Variants in MLLT10 observed in about 807,000 individuals in gnomAD.
MLLT10 encodes MLLT10 histone lysine methyltransferase DOT1L cofactor.
MLLT10 carries 30 observed loss-of-function variants against 129.1 expected under a neutral mutation model. That is an observed-to-expected ratio of 0.23 (90% CI 0.17 to 0.32). MLLT10 has a LOEUF of 0.32. Ranked by LOEUF, MLLT10 falls within the 10% of genes least tolerant of loss-of-function variation. The pLI is 1.00. For missense variants in MLLT10, 1,119 were observed against 1,268.3 expected, an observed-to-expected ratio of 0.88 and a Z score of 1.79; for synonymous variants, 490 against 446.4, an observed-to-expected ratio of 1.10 and a Z score of -1.23.
chr10:21,707,330 C>T (rs1403917959), intron 13 of MLLT10, among the ~76,000 whole-genome samples: 3 of 151,520 alleles, frequency 2.0e-5, no homozygotes, highest in Non-Finnish European at 4.4e-5. Context: ...GTAGCTGGGA[C>T]TACAGGCACG....
intron 4 of MLLT10, among the ~76,000 whole-genome samples, 192 bp downstream of exon 4, chr10:21,586,540 G>A (rs1387966255): frequency 6.6e-6 from 1 of 152,140 alleles, no homozygotes; most frequent in South Asian, 2.1e-4. Flanking sequence ...ACAAACTTAA[G>A]CATTGGGTAT....
chr10:21,597,878 A>G (rs1264538094), intron 5 of MLLT10, among the ~76,000 whole-genome samples: 9 of 152,182 alleles, frequency 5.9e-5, no homozygotes. Context: ...GCATCCTATC[A>G]GTTGGTACAT....
At chr10:21,738,111 T>C (rs2058527302) in intron 21 of MLLT10, among the ~76,000 whole-genome samples, 1 of 151,848 alleles carries the variant, frequency 6.6e-6, no homozygotes, top group Non-Finnish European at 1.5e-5. Flanking sequence ...CTACTAAAAA[T>C]ACAAAAATTA....
chr10:21,551,846 G>C (rs1293010747), intron 3 of MLLT10: 1 of 398,444 alleles, frequency 2.5e-6, no homozygotes, highest in Non-Finnish European at 4.8e-6. Flanking sequence ...CCAGGCTAAA[G>C]TGCAGTGGTG....
At chr10:21,601,756 T>C (rs1475212910) in intron 5 of MLLT10, among the ~76,000 whole-genome samples, 1 of 152,154 alleles carries the variant, frequency 6.6e-6, no homozygotes, top group African/African-American at 2.4e-5. Flanking sequence ...CCCAGGCTGG[T>C]TGTGAACTCC....
At chr10:21,580,732 T>G (rs1216102348) in intron 3 of MLLT10, among the ~76,000 whole-genome samples, 1 of 151,848 alleles carries the variant, frequency 6.6e-6, no homozygotes, top group Non-Finnish European at 1.5e-5. Context: ...GACAGAGTCT[T>G]GCACTGTCGC....
At chr10:21,555,676 T>G (rs10764313) in intron 3 of MLLT10, among the ~76,000 whole-genome samples, 1 of 114,724 alleles carries the variant, frequency 8.7e-6, no homozygotes, top group African/African-American at 3.0e-5. Flanking sequence ...TGTAAGACAA[T>G]TTTTTTTTTT....
chr10:21,664,488 G>C (rs1400007798), intron 9 of MLLT10, among the ~76,000 whole-genome samples: 1 of 151,544 alleles, frequency 6.6e-6, no homozygotes, highest in Non-Finnish European at 1.5e-5. Flanking sequence ...GTAGGGACAG[G>C]GTTTCACCAT....
intron 8 of MLLT10, among the ~76,000 whole-genome samples, chr10:21,650,775 A>C (rs992559931): frequency 6.6e-6 from 1 of 152,118 alleles, no homozygotes; most frequent in African/African-American, 2.4e-5. Flanking sequence ...TATTTTATTG[A>C]ATTCCTTTTT....
intron 3 of MLLT10, among the ~76,000 whole-genome samples, chr10:21,566,921 C>T (rs2039647762): frequency 6.6e-6 from 1 of 152,102 alleles, no homozygotes; most frequent in Admixed American, 6.6e-5. Context: ...TCAAGCGATT[C>T]TCCTGCCTCA....
At chr10:21,714,384 C>T (rs1055509402) in intron 14 of MLLT10, among the ~76,000 whole-genome samples, 6 of 151,986 alleles carry the variant, frequency 3.9e-5, no homozygotes, top group East Asian at 1.9e-4. Flanking sequence ...GTTAAAAGAC[C>T]GAATGACCGC....
At chr10:21,575,540 G>T (rs1460223912) in intron 3 of MLLT10, among the ~76,000 whole-genome samples, 1 of 152,126 alleles carries the variant, frequency 6.6e-6, no homozygotes, top group African/African-American at 2.4e-5. Flanking sequence ...TGTGGTTAGG[G>T]AACATAATCT....
chr10:21,579,555 A>T (rs1400084907), intron 3 of MLLT10, among the ~76,000 whole-genome samples: 4 of 141,602 alleles, frequency 2.8e-5, no homozygotes, highest in East Asian at 2.0e-4. Context: ...TTCCTCTTTC[A>T]GATTAGATTC....
intron 11 of MLLT10, among the ~76,000 whole-genome samples, chr10:21,679,953 G>T (rs948673302): frequency 3.9e-5 from 6 of 152,110 alleles, no homozygotes; most frequent in African/African-American, 1.4e-4. Flanking sequence ...AACAGTGTTA[G>T]CCATAAGGGA....
At chr10:21,588,610 TAGTTTTACCAATATATGTTCCC>T (rs973988897) in intron 4 of MLLT10, among the ~76,000 whole-genome samples, 9 of 152,098 alleles carry the variant, frequency 5.9e-5, no homozygotes, top group African/African-American at 1.7e-4. Context: ...ATTTGCCCTG[TAGTTTTACCAATATATGTTCCC>T]AGTTTTACCA....
chr10:21,674,384 CCCTAT>C (rs1383908920), intron 11 of MLLT10, among the ~76,000 whole-genome samples: 3 of 152,116 alleles, frequency 2.0e-5, no homozygotes, highest in African/African-American at 4.8e-5. Context: ...ACTTGAATTA[CCCTAT>C]CCTGAGACAT....
At position 21,651,752 on chromosome 10, in the gene MLLT10, C is replaced by T. The variant is rs2049050213; in HGVS notation, c.779C>T (p.Thr260Ile). The T allele has an allele frequency of 6.2e-7, 1 of 1,610,924 alleles. No homozygotes were observed. The highest frequency in any genetic ancestry group is 8.5e-7 in the Non-Finnish European group (1 of 1,178,030). Residue 260 changes from threonine to isoleucine, a missense_variant, in exon 9 of 23, where the codon ACT becomes ATT. Thr to Ile is a moderately conservative substitution (Grantham distance 89, BLOSUM62 -1). Coordinates refer to ENST00000307729, the MANE Select transcript of MLLT10 (RefSeq NM_001195626.3). ...TCACCTGCATTGGTTCCATCCTTGA[C>T]TGTTACTACAGAAAAAGTAAGTTTT... ...EPSPALVPSL[T>I]VTTEKTYTST... is the part of the protein sequence containing the mutation.
intron 14 of MLLT10, among the ~76,000 whole-genome samples, chr10:21,725,865 C>G (rs1033429895): frequency 2.0e-5 from 3 of 151,578 alleles, no homozygotes; most frequent in Admixed American, 2.0e-4. Context: ...ATTCTCCTGC[C>G]TCAGCCTCCC....
At chr10:21,608,007 GTT>G (rs531496599) in intron 5 of MLLT10, among the ~76,000 whole-genome samples, 4,182 of 143,216 alleles carry the variant, frequency 0.029, 194 homozygotes, top group African/African-American at 0.099. Flanking sequence ...ATTTACAGGT[GTT>G]TTTTTTTTTC....
Sources: allele counts gnomAD v4.1 joint callset (sites outside exome capture counted in the v4.1 genomes callset), GRCh38; gene constraint gnomAD v4.1.1; transcripts MANE v1.5; gene names NCBI Gene and HGNC (gene_info 2026-07-23, HGNC 2026-07-21).